ANKFY1: variants seen among roughly 807,000 people sequenced by gnomAD.
The protein encoded by ANKFY1 is ankyrin repeat and FYVE domain-containing protein 1.
ANKFY1 carries 47 observed loss-of-function variants against 128.3 expected under a neutral mutation model. The observed-to-expected ratio is 0.37, with a 90% confidence interval of 0.29 to 0.47. ANKFY1 has a LOEUF of 0.47. Ranked by LOEUF, ANKFY1 falls within the 20% of genes least tolerant of loss-of-function variation. ANKFY1 has a pLI of 1.00. For missense variants in ANKFY1, 1,222 were observed against 1,510.6 expected (o/e 0.81, Z 3.17); for synonymous variants, 553 against 601.6 (o/e 0.92, Z 1.18).
intron 4 of ANKFY1, among the ~76,000 whole-genome samples, 161 bp from the exon 5 acceptor site, chr17:4,210,108 T>A (rs1477320503): frequency 1.3e-5 from 2 of 152,342 alleles, no homozygotes; most frequent in East Asian, 3.9e-4. Context: ...TGGTCTCCCA[T>A]ATTTAAAAAG....
chr17:4,197,116 C>T lies in ANKFY1; in HGVS notation c.1103+257G>A, dbSNP rs568773425. 2.6e-5 allele frequency among the ~76,000 whole-genome samples: 4 copies of T among 152,214 alleles called. No individual in the cohort carries two copies. In the East Asian group the frequency reaches 5.8e-4, roughly 22 times the overall value. The stretch of plus-strand genomic sequence containing the variant: ...CCTGGGTGACAGAGTGAGATGCTGA[C>T]ACAATTAAAAACAAACAAACAACAC... On this transcript the variant is annotated intron_variant, in intron 8 of 24. Coordinates refer to ENST00000341657, the MANE Select transcript of ANKFY1 (RefSeq NM_001330063.2).
rs370911779 is a variant in ANKFY1 at position 4,197,472 on chromosome 17, G to C, written c.1004C>G (p.Ser335Ter). 1 of 1,614,024 alleles carries C rather than the reference G, an allele frequency of 6.2e-7. No homozygotes were observed. The highest frequency in any genetic ancestry group is 8.5e-7 in the Non-Finnish European group (1 of 1,180,038). Residue 335 changes from serine to a stop codon, truncating the protein, a stop_gained, in exon 8 of 25, where the codon TCA (serine) becomes TGA (stop). Coordinates refer to ENST00000341657, the MANE Select transcript of ANKFY1 (RefSeq NM_001330063.2). LOFTEE classifies it high-confidence loss of function. ...TPLHLVALYS[S>*]KKHSADVMSE... is the part of the protein sequence containing the mutation. The stretch of plus-strand genomic sequence containing the variant: ...CATCACATCTGCTGAGTGTTTCTTT[G>C]AACTGTACAAGGCCACAAGGTGCAG...
chr17:4,191,150 A>C (rs995331696), intron 10 of ANKFY1: 1 of 152,280 alleles, frequency 6.6e-6, no homozygotes, highest in African/African-American at 2.4e-5. Flanking sequence ...CAAACAAACA[A>C]AAAGAAATGG....
At chr17:4,200,344 G>A (rs1332429472) in intron 7 of ANKFY1, among the ~76,000 whole-genome samples, 4 of 152,146 alleles carry the variant, frequency 2.6e-5, no homozygotes, top group Non-Finnish European at 5.9e-5. Context: ...GATTACAGGC[G>A]TGAGCCACGG....
At chr17:4,191,453 T>C (rs376333630) in intron 10 of ANKFY1, 1 of 152,092 alleles carries the variant, frequency 6.6e-6, no homozygotes, top group Non-Finnish European at 1.5e-5. Context: ...GTTACTCTAA[T>C]CTGGAGACGC....
chr17:4,248,027 C>T (rs974957869), intron 1 of ANKFY1, among the ~76,000 whole-genome samples: 2 of 152,218 alleles, frequency 1.3e-5, no homozygotes, highest in Admixed American at 1.3e-4. Context: ...CAGAGTCTCA[C>T]TGACTGGGTT....
At chr17:4,195,225 A>G in intron 9 of ANKFY1, 48 bp from the exon 10 acceptor site, 4 of 1,534,596 alleles carry the variant, frequency 2.6e-6, no homozygotes, top group Non-Finnish European at 3.5e-6. Context: ...TTTTTGAGAC[A>G]CTCTATACTG....
rs2143016200 is a variant in ANKFY1, at chr17:4,208,011, T to C, written c.654A>G (p.Thr218=). 1.2e-6 allele frequency: 2 copies of C among 1,611,808 alleles called. No homozygotes were observed. The highest frequency in any genetic ancestry group is 1.7e-6 in the Non-Finnish European group (2 of 1,179,086). ...QLLYKMIKSK[T]EYPLHKAIKV... ...TGATGGCTTTATGTAGCGGGTACTCTGTCTTGGATTTGATCATTTTGTATA... is the reference window on the plus strand; with the variant it reads ...TGATGGCTTTATGTAGCGGGTACTCCGTCTTGGATTTGATCATTTTGTATA... The change falls in exon 6 of 25, where the codon ACA becomes ACG. Residue 218 remains threonine (T), a synonymous_variant. Transcript: ENST00000341657.
chr17:4,182,823 G>C (rs2143004602), intron 14 of ANKFY1, among the ~76,000 whole-genome samples: 1 of 152,278 alleles, frequency 6.6e-6, no homozygotes, highest in East Asian at 1.9e-4. Context: ...ACTGATTTTA[G>C]GGTGGGCCGC....
chr17:4,170,460 T>C (rs1275694357), intron 23 of ANKFY1, among the ~76,000 whole-genome samples: 1 of 152,090 alleles, frequency 6.6e-6, no homozygotes, highest in Non-Finnish European at 1.5e-5. Context: ...GCCTGGAGCT[T>C]TGGCATTTCT....
intron 6 of ANKFY1, among the ~76,000 whole-genome samples, chr17:4,207,170 AG>A (rs1238881020): frequency 6.7e-6 from 1 of 150,120 alleles, no homozygotes; most frequent in Admixed American, 6.6e-5. Flanking sequence ...CTAACCACAG[AG>A]GGCCCGATCT....
At chr17:4,229,349 AG>A (rs2060476866) in intron 3 of ANKFY1, among the ~76,000 whole-genome samples, 1 of 151,920 alleles carries the variant, frequency 6.6e-6, no homozygotes, top group East Asian at 1.9e-4. Context: ...ACTTGAGCCC[AG>A]GAGGTGGAGG....
rs745379002 is a variant in ANKFY1 at position 4,208,079 on chromosome 17, C to G, written c.586G>C (p.Asp196His). ...CAEIIASHWDDLRKEDFSSMS... is the reference protein window; with the variant it reads ...CAEIIASHWDHLRKEDFSSMS... ...CTGCTGAAATCCTCCTTCCTCAGGT[C>G]GTCCTGAGAATTCACAACACAGTGA... The change falls in exon 6 of 25, where the codon GAC (aspartate) becomes CAC (histidine). Residue 196 changes from aspartate to histidine, a missense_variant. By Grantham distance (81) the Asp-to-His change is moderately conservative. Coordinates refer to ENST00000341657, the MANE Select transcript of ANKFY1 (RefSeq NM_001330063.2). 1.9e-6 allele frequency: 3 copies of G among 1,601,696 alleles called. No individual in the cohort carries two copies. Among genetic ancestry groups the G allele is most frequent in the East Asian group, 4.5e-5 (2 of 44,320 alleles).
At chr17:4,243,522 T>A (rs1967368976) in intron 1 of ANKFY1, among the ~76,000 whole-genome samples, 2 of 152,094 alleles carry the variant, frequency 1.3e-5, no homozygotes, top group Admixed American at 6.6e-5. Context: ...GACAAGCCTA[T>A]GAGGTAGGTA....
intron 7 of ANKFY1, among the ~76,000 whole-genome samples, chr17:4,199,113 C>A (rs540977341): frequency 2.0e-5 from 3 of 152,242 alleles, no homozygotes; most frequent in Non-Finnish European, 4.4e-5. Flanking sequence ...TGGGCTATGA[C>A]TGTGCCACTG....
rs540738369 is a variant in ANKFY1, at chr17:4,170,200, A to G, written c.3286+515T>C. Among the ~76,000 whole-genome samples the G allele has an allele frequency of 2.0e-5, 3 of 152,238 alleles. No homozygotes were observed. In the South Asian group the frequency reaches 6.2e-4, roughly 32 times the overall value. On this transcript the variant is annotated intron_variant, in intron 23 of 24. Coordinates refer to ENST00000341657, the MANE Select transcript of ANKFY1 (RefSeq NM_001330063.2). The stretch of plus-strand genomic sequence containing the variant: ...CTTGTTTTCCTGCCTGTCTCTCCCC[A>G]CTGTGGGTGATGACACAGCACAGGC...
chr17:4,194,549 C>T (rs1259799722), intron 10 of ANKFY1: 3 of 161,146 alleles, frequency 1.9e-5, no homozygotes, highest in Non-Finnish European at 3.9e-5. Flanking sequence ...TACTGAATTA[C>T]ACCAAATCCC....
At chr17:4,260,745 T>G (rs1226857077) in intron 1 of ANKFY1, among the ~76,000 whole-genome samples, 1 of 150,986 alleles carries the variant, frequency 6.6e-6, no homozygotes, top group Non-Finnish European at 1.5e-5. Flanking sequence ...TATGGTCAAA[T>G]GAATAGCCAT....
Position 4,178,972 on chromosome 17 carries a change from A to G in ANKFY1, c.2483T>C (p.Ile828Thr). The G allele has an allele frequency of 6.2e-7, 1 of 1,614,138 alleles. No individual in the cohort carries two copies. The highest frequency in any genetic ancestry group is 1.7e-5 in the Admixed American group (1 of 60,000). ...IIQLLVSHPDIHLNVRDRQGL... is the reference protein window; with the variant it reads ...IIQLLVSHPDTHLNVRDRQGL... ...TTGTCTGTCTCGTACATTCAAATGG[A>G]TATCGGGGTGAGAAACCAACAGCTG... is the stretch of plus-strand genomic sequence containing the variant. The change falls in exon 18 of 25, where the codon ATC (isoleucine) becomes ACC (threonine). Residue 828 changes from isoleucine to threonine, a missense_variant. Coordinates refer to ENST00000341657, the MANE Select transcript of ANKFY1 (RefSeq NM_001330063.2). This position sits in a 1 kb window ranked among gnomAD's most constrained non-coding sequence, Gnocchi z 4.1.
Sources: gnomAD v4.1 joint callset for allele counts (sites outside exome capture counted in the v4.1 genomes callset) on GRCh38, gnomAD v4.1.1 for gene constraint, Gnocchi (gnomAD v3.1) non-coding constraint, MANE v1.5 for transcripts, NCBI Gene and HGNC (gene_info 2026-07-23, HGNC 2026-07-21) for gene names.